The following CABIN1 variants were observed in gnomAD, a reference collection of about 807,000 sequenced individuals.
The protein encoded by CABIN1 is calcineurin-binding protein cabin-1.
A neutral mutation model predicts 227.7 loss-of-function variants in CABIN1; 133 were observed. The observed-to-expected ratio is 0.58, with a 90% CI of 0.51 to 0.67. CABIN1 has a LOEUF of 0.67. Among genes scored for constraint, CABIN1 ranks in the 30% least tolerant of loss-of-function variants. The pLI, the probability that CABIN1 is intolerant of heterozygous loss-of-function variation, is 0.00. For missense variants in CABIN1, 2,408 were observed against 2,852.5 expected (o/e 0.84, Z 3.55); for synonymous variants, 1,086 against 1,155.1 (o/e 0.94, Z 1.21).
chr22:24,013,398 C>T (rs1419389284), intron 1 of CABIN1, among the ~76,000 whole-genome samples: 2 of 151,604 alleles, frequency 1.3e-5, no homozygotes, highest in Admixed American at 6.6e-5. Context: ...GGAGTTTCAC[C>T]GTGTTAGCCA....
At chr22:24,102,589 TG>T (rs1204889090) in intron 26 of CABIN1, among the ~76,000 whole-genome samples, 2 of 151,924 alleles carry the variant, frequency 1.3e-5, no homozygotes, top group East Asian at 3.9e-4. Flanking sequence ...ACCAGAGAGG[TG>T]GGGTTTGTTC....
At chr22:24,055,463 G>C (rs930281279) in intron 9 of CABIN1, among the ~76,000 whole-genome samples, 2 of 152,250 alleles carry the variant, frequency 1.3e-5, no homozygotes, top group African/African-American at 4.8e-5. Context: ...ATTCTGGCAC[G>C]AAGGTTGCTC....
At chr22:24,132,800 C>G (rs1016484333) in intron 28 of CABIN1, among the ~76,000 whole-genome samples, 1 of 152,154 alleles carries the variant, frequency 6.6e-6, no homozygotes, top group Non-Finnish European at 1.5e-5. Context: ...GTTGGTCAGG[C>G]TGGTCTCGAA....
intron 29 of CABIN1, among the ~76,000 whole-genome samples, chr22:24,135,210 G>T (rs927448662): frequency 3.9e-5 from 6 of 151,900 alleles, no homozygotes; most frequent in African/African-American, 1.5e-4. Context: ...GGCCAACATG[G>T]TGAAACCCTG....
chr22:24,083,474 C>A, intron 20 of CABIN1, 85 bp downstream of exon 20: 1 of 1,446,168 alleles, frequency 6.9e-7, no homozygotes. Context: ...CAACAGTCAT[C>A]TTGGCAGTCC....
chr22:24,027,207 T>C lies in CABIN1; in HGVS notation c.-74-8237T>C, dbSNP rs189234472. On this transcript the variant is annotated intron_variant, in intron 1 of 36. Coordinates refer to ENST00000263119, the MANE Select transcript of CABIN1 (RefSeq NM_012295.4). ...CTAGTATGCCGAAATACAGTTACTT[T>C]TATGTGTTGACCTGTACCCTATGAC... Among the ~76,000 whole-genome samples the C allele has an allele frequency of 8.5e-5, 13 of 152,354 alleles. 1 individual carries two copies. The East Asian group carries it at 2.5e-3, about 29-fold the overall frequency.
intron 18 of CABIN1, among the ~76,000 whole-genome samples, chr22:24,074,859 C>G (rs1199193181): frequency 6.6e-6 from 1 of 152,008 alleles, no homozygotes; most frequent in Non-Finnish European, 1.5e-5. Context: ...CAGCATGGAG[C>G]AGAATGAATA....
At chr22:24,093,348 C>T (rs1404166828) in intron 24 of CABIN1, among the ~76,000 whole-genome samples, 2 of 151,044 alleles carry the variant, frequency 1.3e-5, no homozygotes, top group Non-Finnish European at 2.9e-5. Context: ...GTCAGGAGTT[C>T]GAGATCAGCC....
At chr22:24,092,687 A>AGTGTGTGTGT (rs3221282) in intron 24 of CABIN1, among the ~76,000 whole-genome samples, 2,158 of 138,774 alleles carry the variant, frequency 0.016, 45 homozygotes, top group African/African-American at 0.042. Flanking sequence ...TGATTATAAA[A>AGTGTGTGTGT]GTGTGTGTGT....
rs1459165461 is a variant in CABIN1 at position 24,167,895 on chromosome 22, A to G, written c.5683-552A>G. On this transcript the variant is annotated intron_variant, in intron 32 of 36. Transcript: ENST00000263119. The stretch of plus-strand genomic sequence containing the variant: ...CACTGAATCCCTAGACACACTTGAC[A>G]CAGCATGGGGCTATCACCATCAGGC... Among the ~76,000 whole-genome samples, 5 of 152,138 alleles carry G rather than the reference A, an allele frequency of 3.3e-5. No individual in the cohort carries two copies. In the East Asian group the frequency reaches 9.6e-4, roughly 29 times the overall value.
chr22:24,016,209 T>C (rs1215570120), intron 1 of CABIN1, among the ~76,000 whole-genome samples: 1 of 152,244 alleles, frequency 6.6e-6, no homozygotes, highest in Non-Finnish European at 1.5e-5. Context: ...TTTATAAATT[T>C]GCCTGTTTTG....
intron 1 of CABIN1, among the ~76,000 whole-genome samples, chr22:24,014,284 G>A (rs758007705): frequency 3.9e-5 from 6 of 152,262 alleles, no homozygotes; most frequent in Non-Finnish European, 8.8e-5. Flanking sequence ...ATGTGTCAGT[G>A]TAGGCCATGG....
At chr22:24,119,286 G>A (rs998958501) in intron 27 of CABIN1, 81 bp from the exon 28 acceptor site, 20 of 1,210,296 alleles carry the variant, frequency 1.7e-5, no homozygotes, top group Middle Eastern at 1.9e-4. Flanking sequence ...TCACCAAGGC[G>A]CCTCCGTTAC....
chr22:24,051,107 G>A, intron 8 of CABIN1, 133 bp downstream of exon 8: 1 of 1,132,494 alleles, frequency 8.8e-7, no homozygotes, highest in South Asian at 1.3e-5. Flanking sequence ...TGGGTGCACA[G>A]TGGCCAAATG....
intron 4 of CABIN1, among the ~76,000 whole-genome samples, chr22:24,039,725 C>T (rs2037217353): frequency 6.6e-6 from 1 of 152,204 alleles, no homozygotes; most frequent in African/African-American, 2.4e-5. Context: ...TTTCTGTGCA[C>T]AGTGTATCAC....
In CABIN1 at chr22:24,038,272, C is replaced by T. The variant is rs560231204; in HGVS notation, c.97-76C>T. On this transcript the variant is annotated intron_variant, in intron 3 of 36. Coordinates refer to ENST00000263119, the MANE Select transcript of CABIN1 (RefSeq NM_012295.4). ...TGGTTGGTTCCTCTGACTGTAGCCC[C>T]GCCTTACACACATTTTTGGCTTAAA... is the stretch of plus-strand genomic sequence containing the variant. The T allele has an allele frequency of 4.4e-4, 508 of 1,154,454 alleles. 1 individual carries two copies. Among genetic ancestry groups the T allele is most frequent in the Non-Finnish European group, 6.1e-4 (465 of 765,302 alleles). The allele number at this position is 1,154,454 out of a possible 1,614,324, so 71.5% of individuals were successfully genotyped here.
At chr22:24,142,167 C>T (rs1339533673) in intron 29 of CABIN1, among the ~76,000 whole-genome samples, 3 of 152,066 alleles carry the variant, frequency 2.0e-5, no homozygotes, top group Non-Finnish European at 4.4e-5. Context: ...AGTGGACCCA[C>T]CTTCCAGAGC....
intron 19 of CABIN1, among the ~76,000 whole-genome samples, chr22:24,082,088 T>C (rs1171819873): frequency 2.1e-4 from 30 of 145,072 alleles, no homozygotes; most frequent in Non-Finnish European, 3.1e-4. Flanking sequence ...TCTCTCTCTT[T>C]TTTTTTTTTT....
chr22:24,156,021 C>A, intron 29 of CABIN1: 1 of 573,604 alleles, frequency 1.7e-6, no homozygotes. Context: ...CCTCCGCGGC[C>A]ATGGCCCGGC....
Sources: allele counts gnomAD v4.1 joint callset (sites outside exome capture counted in the v4.1 genomes callset), GRCh38; gene constraint gnomAD v4.1.1; transcripts MANE v1.5; gene names NCBI Gene and HGNC (gene_info 2026-07-23, HGNC 2026-07-21).